The following PCDH9 variants were observed in gnomAD, a reference collection of about 807,000 sequenced individuals.
PCDH9 encodes the protein protocadherin-9.
A neutral mutation model predicts 70.6 loss-of-function variants in PCDH9; 24 were observed. That is an observed-to-expected ratio of 0.34 (90% confidence interval 0.25 to 0.48). The LOEUF (loss-of-function observed/expected upper bound fraction) is 0.48. PCDH9 is among the 20% of genes least tolerant of loss of function. The pLI, the probability that PCDH9 is intolerant of heterozygous loss-of-function variation, is 0.99. For synonymous variants in PCDH9, 562 were observed against 558.5 expected, an observed-to-expected ratio of 1.01 and a Z score of -0.09; for missense variants, 1,281 against 1,503.6, an observed-to-expected ratio of 0.85 and a Z score of 2.45.
chr13:66,868,555 T>C (rs934106104), intron 3 of PCDH9, among the ~76,000 whole-genome samples: 4 of 152,064 alleles, frequency 2.6e-5, no homozygotes, highest in African/African-American at 9.7e-5. Flanking sequence ...ATGTGTTGGG[T>C]GTTCTGTGGA....
At chr13:66,328,489 CA>C (rs1346829653) in intron 4 of PCDH9, among the ~76,000 whole-genome samples, 2 of 152,088 alleles carry the variant, frequency 1.3e-5, no homozygotes, top group Non-Finnish European at 2.9e-5. Flanking sequence ...ATCTAAAATA[CA>C]GAAAATTTAC....
Position 66,538,192 on chromosome 13 carries a change from G to A in PCDH9, c.3340+93018C>T, listed in dbSNP as rs75355529. Among the ~76,000 whole-genome samples, 1,038 of 152,104 alleles carry A rather than the reference G, an allele frequency of 6.8e-3. 18 individuals are homozygous for A. Among genetic ancestry groups the A allele is most frequent in the African/African-American group, 0.024 (976 of 41,516 alleles). On this transcript the variant is annotated intron_variant, in intron 4 of 4. Coordinates refer to ENST00000377865, the MANE Select transcript of PCDH9 (RefSeq NM_203487.3). ...TGTTGGTTTCTGCATATTATTCATGGAGACAGAAAGAAAGATGATGCGGTA... is the reference window on the plus strand; with the variant it reads ...TGTTGGTTTCTGCATATTATTCATGAAGACAGAAAGAAAGATGATGCGGTA...
intron 2 of PCDH9, among the ~76,000 whole-genome samples, chr13:67,017,803 G>A (rs1240047688): frequency 6.6e-6 from 1 of 152,046 alleles, no homozygotes; most frequent in Non-Finnish European, 1.5e-5. Context: ...TATCAATGTG[G>A]TAAATCAGGA....
intron 2 of PCDH9, among the ~76,000 whole-genome samples, chr13:66,928,564 G>T (rs1218142878): frequency 2.0e-5 from 3 of 152,028 alleles, no homozygotes; most frequent in Non-Finnish European, 4.4e-5. Flanking sequence ...TTTAGAGATG[G>T]GCCCATTGGG....
chr13:66,478,587 G>C (rs936100071), intron 4 of PCDH9, among the ~76,000 whole-genome samples: 1 of 152,190 alleles, frequency 6.6e-6, no homozygotes, highest in Admixed American at 6.5e-5. Context: ...GCCTATTGCT[G>C]ATATGGAGAA....
At chr13:67,214,462 G>A (rs2089543860) in intron 2 of PCDH9, 1 of 152,286 alleles carries the variant, frequency 6.6e-6, no homozygotes, top group Non-Finnish European at 1.5e-5. Flanking sequence ...TGTAATAGGA[G>A]TGATGGATAC....
intron 3 of PCDH9, among the ~76,000 whole-genome samples, chr13:66,831,088 G>C (rs983574742): frequency 6.6e-6 from 1 of 152,110 alleles, no homozygotes; most frequent in Admixed American, 6.5e-5. Context: ...GGAAATATGA[G>C]TTATAGAGAA....
At chr13:66,663,953 T>G (rs2078056834) in intron 3 of PCDH9, among the ~76,000 whole-genome samples, 1 of 152,208 alleles carries the variant, frequency 6.6e-6, no homozygotes, top group South Asian at 2.1e-4. Context: ...TGTAGCTTCT[T>G]GCTTGGCTGA....
intron 3 of PCDH9, among the ~76,000 whole-genome samples, chr13:66,736,293 T>C (rs1420146905): frequency 1.3e-5 from 2 of 152,160 alleles, no homozygotes; most frequent in Admixed American, 6.5e-5. Context: ...AGGATGATGC[T>C]ATAAGGCTGG....
At chr13:67,166,263 G>C (rs920737528) in intron 2 of PCDH9, among the ~76,000 whole-genome samples, 1 of 152,076 alleles carries the variant, frequency 6.6e-6, no homozygotes, top group Admixed American at 6.6e-5. Flanking sequence ...TTTTCAATTA[G>C]ATATGGATAA....
intron 3 of PCDH9, among the ~76,000 whole-genome samples, chr13:66,792,286 C>T (rs1302564691): frequency 1.3e-5 from 2 of 152,108 alleles, no homozygotes; most frequent in African/African-American, 2.4e-5. Flanking sequence ...ATGTTGTGAA[C>T]ATAGATTTTA....
At chr13:66,638,000 T>C (rs2077661637) in intron 3 of PCDH9, among the ~76,000 whole-genome samples, 1 of 152,138 alleles carries the variant, frequency 6.6e-6, no homozygotes, top group African/African-American at 2.4e-5. Flanking sequence ...CTTGTCTATA[T>C]AGGTTTCAAT....
At chr13:66,759,846 T>C (rs2079596322) in intron 3 of PCDH9, among the ~76,000 whole-genome samples, 1 of 152,212 alleles carries the variant, frequency 6.6e-6, no homozygotes, top group South Asian at 2.1e-4. Flanking sequence ...ATTTTTATCT[T>C]TAAATCTTCA....
At chr13:66,566,144 T>C (rs2076649018) in intron 4 of PCDH9, among the ~76,000 whole-genome samples, 1 of 152,198 alleles carries the variant, frequency 6.6e-6, no homozygotes, top group Non-Finnish European at 1.5e-5. Context: ...CATGAAAGTT[T>C]AACGCTCAAT....
chr13:66,868,520 A>C (rs2081614477), intron 3 of PCDH9, among the ~76,000 whole-genome samples: 1 of 152,042 alleles, frequency 6.6e-6, no homozygotes, highest in South Asian at 2.1e-4. Flanking sequence ...CATGTGCAAA[A>C]AAATATTAAG....
At chr13:66,791,170 C>G (rs1295248563) in intron 3 of PCDH9, among the ~76,000 whole-genome samples, 1 of 152,028 alleles carries the variant, frequency 6.6e-6, no homozygotes, top group Non-Finnish European at 1.5e-5. Flanking sequence ...AAGAGTGATC[C>G]TTTGCACATA....
rs147640463 is a variant in PCDH9 at position 66,385,434 on chromosome 13, G to T, written c.3341-80406C>A. 3.6e-3 allele frequency among the ~76,000 whole-genome samples: 554 copies of T among 152,032 alleles called. 1 individual carries two copies. The highest frequency in any genetic ancestry group is 0.013 in the African/African-American group (534 of 41,458). ...CTTTGTAATTTTTTCTCATGCCTCCGTCTAGCCCGCCCTATCCTCCCCAAA... is the reference window on the plus strand; with the variant it reads ...CTTTGTAATTTTTTCTCATGCCTCCTTCTAGCCCGCCCTATCCTCCCCAAA... On this transcript the variant is annotated intron_variant, in intron 4 of 4. Transcript: ENST00000377865.
At chr13:66,942,868 A>G (rs970570213) in intron 2 of PCDH9, among the ~76,000 whole-genome samples, 1 of 152,162 alleles carries the variant, frequency 6.6e-6, no homozygotes, top group African/African-American at 2.4e-5. Context: ...GACTACCCAT[A>G]GAAAAACTGA....
chr13:66,457,553 C>T (rs1226909312), intron 4 of PCDH9, among the ~76,000 whole-genome samples: 2 of 151,838 alleles, frequency 1.3e-5, no homozygotes, highest in Non-Finnish European at 2.9e-5. Context: ...GCCATTAATC[C>T]CCAAATATTG....
Sources: gnomAD v4.1 joint callset for allele counts (sites outside exome capture counted in the v4.1 genomes callset) on GRCh38, gnomAD v4.1.1 for gene constraint, MANE v1.5 for transcripts, NCBI Gene and HGNC (gene_info 2026-07-23, HGNC 2026-07-21) for gene names.